Variants in SLC4A10 observed in about 807,000 individuals in gnomAD.
SLC4A10 encodes the protein sodium-driven chloride bicarbonate exchanger.
Under a neutral mutation model 137.7 loss-of-function variants are expected in SLC4A10, and 42 were observed. That is an observed-to-expected ratio of 0.30 (90% confidence interval 0.24 to 0.39). The LOEUF is 0.39. Ranked by LOEUF, SLC4A10 falls within the 10% of genes least tolerant of loss-of-function variation. The probability of loss-of-function intolerance (pLI) is 1.00; values close to 1 mark genes in which losing one functional copy is unlikely to be tolerated. For missense variants in SLC4A10, 925 were observed against 1,355.0 expected, an observed-to-expected ratio of 0.68 and a Z score of 4.98; for synonymous variants, 474 against 464.1, an observed-to-expected ratio of 1.02 and a Z score of -0.27.
At position 161,960,139 on chromosome 2, in the gene SLC4A10, G is replaced by A. The variant is rs191715719; in HGVS notation, c.2862+1584G>A. On this transcript the variant is annotated intron_variant, in intron 21 of 26. Transcript: ENST00000446997. The stretch of plus-strand genomic sequence containing the variant: ...CCAGCACTTTGGGAAGCCGAGGTGG[G>A]CGGATCATGAGGTCAAGAGATCGAG... Among the ~76,000 whole-genome samples the A allele has an allele frequency of 6.8e-4, 103 of 151,864 alleles. 1 individual carries two copies. Among genetic ancestry groups the A allele is most frequent in the African/African-American group, 2.4e-3 (100 of 41,378 alleles).
At position 161,964,388 on chromosome 2, in the gene SLC4A10, T is replaced by C. The variant is rs550242910; in HGVS notation, c.3036+80T>C. On this transcript the variant is annotated intron_variant, in intron 22 of 26. Coordinates refer to ENST00000446997, the MANE Select transcript of SLC4A10 (RefSeq NM_001178015.2). ...GAAACATAAACACATGAATTGAAAC[T>C]GGAACAACAGAGTCATTTTGAACAA... 101 of 1,409,146 alleles carry C rather than the reference T, an allele frequency of 7.2e-5. No individual in the cohort carries two copies. In the East Asian group the frequency reaches 2.3e-3, roughly 32 times the overall value. 87.3% of individuals were successfully genotyped at this position (1,409,146 alleles called of 1,614,324 possible).
In SLC4A10 at chr2:161,749,075, A is replaced by T. The variant is rs573021516; in HGVS notation, c.49-21898A>T. On this transcript the variant is annotated intron_variant, in intron 1 of 26. Transcript: ENST00000446997. Reference sequence around the variant, plus strand: ...GGTTGTTTTCTTGATTTTCTCTCAGATAGATTGTTTTTAGTGTAAAGAAAT... The same window carrying T: ...GGTTGTTTTCTTGATTTTCTCTCAGTTAGATTGTTTTTAGTGTAAAGAAAT... Among the ~76,000 whole-genome samples, 7 of 151,908 alleles carry T rather than the reference A, an allele frequency of 4.6e-5. No homozygotes were observed. The South Asian group carries it at 1.5e-3, about 32-fold the overall frequency.
chr2:161,893,513 T>C (rs2063129901), intron 10 of SLC4A10, among the ~76,000 whole-genome samples: 1 of 151,950 alleles, frequency 6.6e-6, no homozygotes, highest in African/African-American at 2.4e-5. Context: ...CCAGGCAACA[T>C]AGCAAGACTC....
intron 8 of SLC4A10, among the ~76,000 whole-genome samples, chr2:161,878,260 A>T (rs1440768195): frequency 6.6e-6 from 1 of 152,130 alleles, no homozygotes; most frequent in Non-Finnish European, 1.5e-5. Flanking sequence ...TCCCCTAAAA[A>T]CAGAGTTTCA....
At chr2:161,726,121 A>G (rs1479751258) in intron 1 of SLC4A10, among the ~76,000 whole-genome samples, 1 of 152,216 alleles carries the variant, frequency 6.6e-6, no homozygotes, top group African/African-American at 2.4e-5. Flanking sequence ...ATATTTAAAA[A>G]TGCTTTAGGG....
At chr2:161,735,360 AATGT>A (rs1394179939) in intron 1 of SLC4A10, among the ~76,000 whole-genome samples, 1 of 151,802 alleles carries the variant, frequency 6.6e-6, no homozygotes, top group Non-Finnish European at 1.5e-5. Context: ...TTTAAAAATA[AATGT>A]CAAAGTACAT....
intron 1 of SLC4A10, among the ~76,000 whole-genome samples, chr2:161,733,424 C>T (rs1487568795): frequency 6.6e-6 from 1 of 152,236 alleles, no homozygotes; most frequent in Non-Finnish European, 1.5e-5. Context: ...GTTCAGCCTG[C>T]AGGTGCACAA....
At chr2:161,695,256 A>G (rs1440039892) in intron 1 of SLC4A10, among the ~76,000 whole-genome samples, 1 of 152,102 alleles carries the variant, frequency 6.6e-6, no homozygotes. Context: ...ACTGATTTTT[A>G]GCACACCTAT....
chr2:161,851,856 G>C (rs1339811497), intron 4 of SLC4A10, among the ~76,000 whole-genome samples: 1 of 152,090 alleles, frequency 6.6e-6, no homozygotes, highest in African/African-American at 2.4e-5. Context: ...TTTTGTACTT[G>C]AGTATAATTT....
intron 6 of SLC4A10, among the ~76,000 whole-genome samples, chr2:161,870,528 A>G (rs1032011365): frequency 1.3e-5 from 2 of 151,898 alleles, no homozygotes; most frequent in Non-Finnish European, 3.0e-5. Context: ...AGAACATTCA[A>G]TAAATTTAGT....
chr2:161,873,770 A>G, intron 7 of SLC4A10, 146 bp from the exon 8 acceptor site: 1 of 709,666 alleles, frequency 1.4e-6, no homozygotes, highest in East Asian at 2.9e-5. Context: ...ATTAATAGTG[A>G]TCAGCTCCTT....
rs2060037188 is a variant in SLC4A10 at position 161,855,256 on chromosome 2, TA to T, written c.577+130del. The T allele has an allele frequency of 3.7e-6, 3 of 811,536 alleles. No individual in the cohort carries two copies. The East Asian group carries it at 9.0e-5, about 24-fold the overall frequency. 50.3% of individuals were successfully genotyped at this position (811,536 alleles called of 1,614,324 possible). Reference sequence around the variant, plus strand: ...TTCTCATAATCACTGCATAAGGTCTTAAAAGTCATTTTCTTTTACCCTGTTA... The same window carrying T: ...TTCTCATAATCACTGCATAAGGTCTTAAAGTCATTTTCTTTTACCCTGTTA... On this transcript the variant is annotated intron_variant, in intron 5 of 26. Transcript: ENST00000446997.
At chr2:161,797,478 T>C (rs113859896) in intron 2 of SLC4A10, among the ~76,000 whole-genome samples, 19 of 152,186 alleles carry the variant, frequency 1.2e-4, no homozygotes, top group African/African-American at 4.6e-4. Flanking sequence ...TTTTAATGTG[T>C]ATTTTTAATT....
chr2:161,875,722 TA>T (rs751020217), intron 8 of SLC4A10, among the ~76,000 whole-genome samples: 7 of 152,228 alleles, frequency 4.6e-5, no homozygotes, highest in Non-Finnish European at 8.8e-5. Context: ...CGTCTGCATC[TA>T]GCTTTAGTGT....
intron 3 of SLC4A10, among the ~76,000 whole-genome samples, chr2:161,811,563 T>A: frequency 6.6e-6 from 1 of 151,986 alleles, no homozygotes; most frequent in East Asian, 1.9e-4. Context: ...CTAATTTCAT[T>A]GTGTATCTTT....
intron 4 of SLC4A10, among the ~76,000 whole-genome samples, chr2:161,842,357 C>T (rs2059237129): frequency 6.6e-6 from 1 of 152,098 alleles, no homozygotes; most frequent in South Asian, 2.1e-4. Flanking sequence ...TATCAAACTG[C>T]TTAAAATGTC....
At chr2:161,922,483 T>A (rs954092881) in intron 15 of SLC4A10, among the ~76,000 whole-genome samples, 2 of 152,126 alleles carry the variant, frequency 1.3e-5, no homozygotes, top group African/African-American at 2.4e-5. Flanking sequence ...TTTAATTAAA[T>A]GATTAATAAT....
intron 1 of SLC4A10, among the ~76,000 whole-genome samples, chr2:161,757,436 G>A (rs1280263373): frequency 6.6e-6 from 1 of 152,044 alleles, no homozygotes; most frequent in Non-Finnish European, 1.5e-5. Context: ...GATTAAATAA[G>A]ATAAAGTATG....
At chr2:161,826,320 G>T (rs1164983111) in intron 3 of SLC4A10, among the ~76,000 whole-genome samples, 1 of 152,116 alleles carries the variant, frequency 6.6e-6, no homozygotes, top group Non-Finnish European at 1.5e-5. Flanking sequence ...AATTCACAAT[G>T]GTAAGCATTT....
Sources: gnomAD v4.1 joint callset for allele counts (sites outside exome capture counted in the v4.1 genomes callset) on GRCh38, gnomAD v4.1.1 for gene constraint, MANE v1.5 for transcripts, NCBI Gene and HGNC (gene_info 2026-07-23, HGNC 2026-07-21) for gene names.